The following ZNF572 variants were observed in gnomAD, a reference collection of about 807,000 sequenced individuals.
ZNF572 encodes zinc finger protein 572.
In ZNF572, 2 loss-of-function variants were observed where a neutral mutation model predicts 3.8. The observed-to-expected ratio is 0.52, with a 90% CI of 0.21 to 1.65. ZNF572 has a LOEUF of 1.65. ZNF572 is among the 40% of genes most tolerant of loss of function. The probability of loss-of-function intolerance (pLI) is 0.20; values close to 1 mark genes in which losing one functional copy is unlikely to be tolerated. For missense variants in ZNF572, 581 were observed against 633.4 expected (o/e 0.92, Z 0.89); for synonymous variants, 187 against 204.5 (o/e 0.91, Z 0.73).
chr8:124,976,595 G>A lies in ZNF572; in HGVS notation c.327G>A (p.Gln109=), dbSNP rs149391525. The A allele has an allele frequency of 6.2e-7, 1 of 1,614,150 alleles. No individual in the cohort carries two copies. The highest frequency in any genetic ancestry group is 1.3e-5 in the African/African-American group (1 of 75,056). The change falls in exon 3 of 3, where the codon CAG becomes CAA. Residue 109 remains glutamine, a synonymous_variant. Transcript: ENST00000319286. The part of the protein sequence containing the change: ...IAKEEEKPNH[Q]EWDSGEHTNA... Reference sequence around the variant, plus strand: ...AAGAGGAGGAAAAACCCAATCACCAGGAATGGGACTCAGGAGAACATACCA... The same window carrying A: ...AAGAGGAGGAAAAACCCAATCACCAAGAATGGGACTCAGGAGAACATACCA...
chr8:124,977,745 A>T lies in ZNF572; in HGVS notation c.1477A>T (p.Lys493Ter), dbSNP rs1400324073. 6.2e-7 allele frequency: 1 copy of T among 1,614,072 alleles called. No individual in the cohort carries two copies. The highest frequency in any genetic ancestry group is 2.2e-5 in the East Asian group (1 of 44,896). ...TCAGCATCGGAAAATTCACGTAGAA[A>T]AGCCTTTTGAGTCTCCCGACGTTGG... ...LSQHRKIHVEKPFESPDVGDF... is the reference protein window; with the variant it reads ...LSQHRKIHVE The change falls in exon 3 of 3, where the codon AAG (lysine) becomes TAG (stop). Residue 493 changes from lysine (K) to a stop codon, truncating the protein, a stop_gained. Coordinates refer to ENST00000319286, the MANE Select transcript of ZNF572 (RefSeq NM_152412.3). LOFTEE classifies it low-confidence loss of function (END_TRUNC).
At chr8:124,976,198 G>A (rs1814503202) in intron 2 of ZNF572, 150 bp from the exon 3 acceptor site, 1 of 604,478 alleles carries the variant, frequency 1.7e-6, no homozygotes. Flanking sequence ...GTAAACAGAG[G>A]AAAAGAAGTA....
In ZNF572 at chr8:124,977,545, C is replaced by T; in HGVS notation, c.1277C>T (p.Thr426Ile). The change falls in exon 3 of 3, where the codon ACC (threonine) becomes ATC (isoleucine). Residue 426 changes from threonine (T) to isoleucine (I), a missense_variant. By Grantham distance (89) the Thr-to-Ile change is moderately conservative. Transcript: ENST00000319286. ...ECWKTFSQSSTLVIHQRTHTG... is the reference protein window; with the variant it reads ...ECWKTFSQSSILVIHQRTHTG... ...TGGAAAACTTTCAGTCAGAGTTCCA[C>T]CCTGGTGATTCACCAAAGGACACAT... 2.5e-6 allele frequency: 4 copies of T among 1,614,158 alleles called. No homozygotes were observed. Among genetic ancestry groups the T allele is most frequent in the East Asian group, 4.5e-5 (2 of 44,872 alleles).
At position 124,979,012 on chromosome 8, in the gene ZNF572, C is replaced by T. The variant is rs1327482353; in HGVS notation, c.*1154C>T. On this transcript the variant is annotated 3_prime_UTR_variant, in exon 3 of 3. Coordinates refer to ENST00000319286, the MANE Select transcript of ZNF572 (RefSeq NM_152412.3). ...GTATATGGATCTGATAACTGAGGTCCCATCTTCCCTACTCATTCCTATGGG... is the reference window on the plus strand; with the variant it reads ...GTATATGGATCTGATAACTGAGGTCTCATCTTCCCTACTCATTCCTATGGG... 2.0e-5 allele frequency: 3 copies of T among 152,158 alleles called. No homozygotes were observed. The highest frequency in any genetic ancestry group is 6.5e-5 in the Admixed American group (1 of 15,274). The allele number at this position is 152,158 out of a possible 1,614,324, so 9.4% of individuals were successfully genotyped here.
intron 1 of ZNF572, among the ~76,000 whole-genome samples, chr8:124,974,780 C>T (rs992642345): frequency 1.3e-5 from 2 of 152,160 alleles, no homozygotes; most frequent in African/African-American, 4.8e-5. Flanking sequence ...CAACCTCTGC[C>T]TCCTGGGTTC....
Position 124,977,852 on chromosome 8 carries a change from T to C in ZNF572, c.1584T>C (p.Ser528=). The C allele has an allele frequency of 1.3e-6, 2 of 1,575,686 alleles. No individual in the cohort carries two copies. The highest frequency in any genetic ancestry group is 2.4e-5 in the South Asian group (2 of 83,970). Residue 528 remains serine (S), a synonymous_variant, in exon 3 of 3, where the codon TCT becomes TCC. Coordinates refer to ENST00000319286, the MANE Select transcript of ZNF572 (RefSeq NM_152412.3). Reference sequence around the variant, plus strand: ...CTTCATTTTCCGTCTCAAATTCATCTTCCTGAGTCCCAAAGCCTGGTTGGT... The same window carrying C: ...CTTCATTTTCCGTCTCAAATTCATCCTCCTGAGTCCCAAAGCCTGGTTGGT... ...FISSFSVSNS[S]S
rs59514439 is a variant in ZNF572, at chr8:124,978,295, G to A, written c.*437G>A. On this transcript the variant is annotated 3_prime_UTR_variant, in exon 3 of 3. Transcript: ENST00000319286. Reference sequence around the variant, plus strand: ...AATAATGTGATTTCCTGGCTATTTTGTTGGGGGCTTAAGATTTTTTTTTTT... The same window carrying A: ...AATAATGTGATTTCCTGGCTATTTTATTGGGGGCTTAAGATTTTTTTTTTT... The A allele has an allele frequency of 0.025, 4,031 of 158,140 alleles. 166 individuals carry two copies. Among genetic ancestry groups the A allele is most frequent in the African/African-American group, 0.09 (3,730 of 41,588 alleles). 9.8% of individuals were successfully genotyped at this position (158,140 alleles called of 1,614,324 possible).
At position 124,976,460 on chromosome 8, in the gene ZNF572, G is replaced by A. The variant is rs1490708022; in HGVS notation, c.192G>A (p.Lys64=). Reference sequence around the variant, plus strand: ...AAAGACATAGACCACAACATTATAAGCATGAGGATGCAAAAGAAATGCCAC... The same window carrying A: ...AAAGACATAGACCACAACATTATAAACATGAGGATGCAAAAGAAATGCCAC... ...WSKRHRPQHY[K]HEDAKEMPLT... The change falls in exon 3 of 3, where the codon AAG becomes AAA. Residue 64 remains lysine, a synonymous_variant. Coordinates refer to ENST00000319286, the MANE Select transcript of ZNF572 (RefSeq NM_152412.3). 1 of 1,614,040 alleles carries A rather than the reference G, an allele frequency of 6.2e-7. No individual in the cohort carries two copies. The highest frequency in any genetic ancestry group is 2.2e-5 in the East Asian group (1 of 44,884).
In ZNF572 at chr8:124,973,353, G is replaced by A. The variant is rs1039636704; in HGVS notation, c.-99G>A. 1.3e-5 allele frequency: 2 copies of A among 152,366 alleles called. No individual in the cohort carries two copies. Among genetic ancestry groups the A allele is most frequent in the Non-Finnish European group, 2.9e-5 (2 of 68,184 alleles). The allele number at this position is 152,366 out of a possible 1,614,324, so 9.4% of individuals were successfully genotyped here. A position where few individuals can be genotyped will look rare whatever the true frequency, so the allele number is the denominator to read the frequency against. On this transcript the variant is annotated 5_prime_UTR_variant, in exon 1 of 3. Coordinates refer to ENST00000319286, the MANE Select transcript of ZNF572 (RefSeq NM_152412.3). The stretch of plus-strand genomic sequence containing the variant: ...CCCTGGGTTGGTGGGGTCAGAGGGA[G>A]AGGGGGTACCTTCCTCCCGGACCGC...
chr8:124,974,530 T>C (rs1219176506), intron 1 of ZNF572, among the ~76,000 whole-genome samples: 1 of 152,234 alleles, frequency 6.6e-6, no homozygotes, highest in East Asian at 1.9e-4. Flanking sequence ...TAAGTACATA[T>C]ACTATTTTTT....
chr8:124,974,246 A>T (rs1160258065), intron 1 of ZNF572, among the ~76,000 whole-genome samples: 1 of 152,224 alleles, frequency 6.6e-6, no homozygotes, highest in Non-Finnish European at 1.5e-5. Context: ...GCAGTTTGGG[A>T]TTATGCCCAG....
At chr8:124,974,944 G>T (rs1026717651) in intron 1 of ZNF572, among the ~76,000 whole-genome samples, 3 of 152,218 alleles carry the variant, frequency 2.0e-5, no homozygotes, top group African/African-American at 7.2e-5. Context: ...GTTAGTGATT[G>T]TTGGCTCCAG....
rs1814506004 is a variant in ZNF572, at chr8:124,976,382, C to G, written c.114C>G (p.His38Gln). The change falls in exon 3 of 3, where the codon CAC (histidine) becomes CAG (glutamine). Residue 38 changes from histidine to glutamine, a missense_variant. Coordinates refer to ENST00000319286, the MANE Select transcript of ZNF572 (RefSeq NM_152412.3). ...DTSMNNLETV[H>Q]HNNSKADKLK... ...GTATGAATAATTTGGAAACTGTTCACCACAATAATTCTAAGGCAGATAAAC... is the reference window on the plus strand; with the variant it reads ...GTATGAATAATTTGGAAACTGTTCAGCACAATAATTCTAAGGCAGATAAAC... 6 of 1,603,340 alleles carry G rather than the reference C, an allele frequency of 3.7e-6. No homozygotes were observed. Among genetic ancestry groups the G allele is most frequent in the Non-Finnish European group, 5.1e-6 (6 of 1,174,756 alleles).
At position 124,976,971 on chromosome 8, in the gene ZNF572, C is replaced by T. The variant is rs1000849748; in HGVS notation, c.703C>T (p.His235Tyr). The change falls in exon 3 of 3, where the codon CAC becomes TAC. Residue 235 changes from histidine (H) to tyrosine (Y), a missense_variant. Transcript: ENST00000319286. ...FSSSSHLIQH[H>Y]RSHTGEKPYE... ...CAGCAGCTCTCACCTTATTCAGCAT[C>T]ACAGATCACATACAGGTGAAAAACC... 2 of 1,614,060 alleles carry T rather than the reference C, an allele frequency of 1.2e-6. No individual in the cohort carries two copies. Among genetic ancestry groups the T allele is most frequent in the Admixed American group, 3.3e-5 (2 of 60,002 alleles).
At position 124,977,973 on chromosome 8, in the gene ZNF572, A is replaced by G. The variant is rs1004318751; in HGVS notation, c.*115A>G. On this transcript the variant is annotated 3_prime_UTR_variant, in exon 3 of 3. Transcript: ENST00000319286. The stretch of plus-strand genomic sequence containing the variant: ...TTGATGTGTTTGTCAAAACATTTGG[A>G]AAAAGTCAACCTCCCAGTTTAAAGG... 2 of 1,229,804 alleles carry G rather than the reference A, an allele frequency of 1.6e-6. No homozygotes were observed. The highest frequency in any genetic ancestry group is 1.5e-5 in the African/African-American group (1 of 65,808). The allele number at this position is 1,229,804 out of a possible 1,614,324, so 76.2% of individuals were successfully genotyped here. A position where few individuals can be genotyped will look rare whatever the true frequency, so the allele number is the denominator to read the frequency against.
At chr8:124,975,282 A>G (rs545243032) in intron 1 of ZNF572, among the ~76,000 whole-genome samples, 1 of 152,208 alleles carries the variant, frequency 6.6e-6, no homozygotes, top group Non-Finnish European at 1.5e-5. Flanking sequence ...CTTAAAAAAA[A>G]TACTTTGCTT....
chr8:124,975,647 C>A lies in ZNF572; in HGVS notation c.7C>A (p.Gln3Lys). 2 of 1,613,204 alleles carry A rather than the reference C, an allele frequency of 1.2e-6. No homozygotes were observed. Among genetic ancestry groups the A allele is most frequent in the South Asian group, 1.1e-5 (1 of 91,032 alleles). Residue 3 changes from glutamine (Q) to lysine (K), a missense_variant, in exon 2 of 3, where the codon CAA (glutamine) becomes AAA (lysine). Coordinates refer to ENST00000319286, the MANE Select transcript of ZNF572 (RefSeq NM_152412.3). MEQEKKLLVSDSN... is the reference protein window; with the variant it reads MEKEKKLLVSDSN... ...CTTGGCTGTGATCATTGTGATGGAG[C>A]AAGAAAAAAAACTGTTGGTCTCAGA... is the stretch of plus-strand genomic sequence containing the variant.
intron 1 of ZNF572, among the ~76,000 whole-genome samples, chr8:124,974,743 G>A (rs1472694313): frequency 6.6e-6 from 1 of 151,694 alleles, no homozygotes; most frequent in Non-Finnish European, 1.5e-5. Context: ...GGCTGGAGTG[G>A]TGCAATGGCA....
intron 1 of ZNF572, among the ~76,000 whole-genome samples, chr8:124,973,727 C>T (rs1814467002): frequency 6.6e-6 from 1 of 152,194 alleles, no homozygotes; most frequent in Admixed American, 6.5e-5. Context: ...CAAAGCACGG[C>T]CCCACTCTGA....
Sources: allele counts gnomAD v4.1 joint callset (sites outside exome capture counted in the v4.1 genomes callset), GRCh38; gene constraint gnomAD v4.1.1; transcripts MANE v1.5; gene names NCBI Gene and HGNC (gene_info 2026-07-23, HGNC 2026-07-21).